Variants in PDE7B observed in about 807,000 individuals in gnomAD.
PDE7B encodes 3',5'-cyclic-AMP phosphodiesterase 7B.
Under a neutral mutation model 56.2 loss-of-function variants are expected in PDE7B, and 29 were observed. The observed-to-expected ratio is 0.52, with a 90% CI of 0.38 to 0.70. PDE7B has a LOEUF of 0.70. Among genes scored for constraint, PDE7B ranks in the 30% least tolerant of loss-of-function variants. PDE7B has a pLI of 0.00. For missense variants in PDE7B, 490 were observed against 565.0 expected, an observed-to-expected ratio of 0.87 and a Z score of 1.35; for synonymous variants, 197 against 196.9, an observed-to-expected ratio of 1.00 and a Z score of 0.00.
chr6:135,905,941 C>T (rs2128192741), intron 1 of PDE7B, among the ~76,000 whole-genome samples: 1 of 152,264 alleles, frequency 6.6e-6, no homozygotes, highest in Middle Eastern at 3.4e-3. Flanking sequence ...CCCTGTGCTG[C>T]GGTGACCCTG....
At chr6:135,857,025 C>CCTCT (rs1775044478) in intron 1 of PDE7B, among the ~76,000 whole-genome samples, 1 of 16,718 alleles carries the variant, frequency 6.0e-5, no homozygotes, top group Admixed American at 6.6e-4. Context: ...TACTCCTTTT[C>CCTCT]CTCCCTCCCT....
intron 3 of PDE7B, among the ~76,000 whole-genome samples, chr6:136,119,645 C>T (rs184332068): frequency 1.3e-5 from 2 of 152,270 alleles, no homozygotes; most frequent in African/African-American, 4.8e-5. Context: ...TTGAACAGCA[C>T]TTTAGACTTT....
At chr6:136,116,266 A>C (rs73561327) in intron 3 of PDE7B, among the ~76,000 whole-genome samples, 3 of 152,242 alleles carry the variant, frequency 2.0e-5, no homozygotes, top group African/African-American at 4.8e-5. Flanking sequence ...TTAAGTAGGA[A>C]GAAGGTCCAA....
chr6:135,915,237 G>A (rs1413055360), intron 1 of PDE7B, among the ~76,000 whole-genome samples: 1 of 152,100 alleles, frequency 6.6e-6, no homozygotes. Flanking sequence ...CACATATAAA[G>A]TGGCCAAAAC....
Position 135,870,253 on chromosome 6 carries a change from G to A in PDE7B, c.21+18234G>A, listed in dbSNP as rs138724763. Among the ~76,000 whole-genome samples the A allele has an allele frequency of 4.3e-3, 659 of 152,230 alleles. 2 individuals carry two copies. The highest frequency in any genetic ancestry group is 6.8e-3 in the Non-Finnish European group (462 of 68,008). On this transcript the variant is annotated intron_variant, in intron 1 of 12. Transcript: ENST00000308191. ...ATGGTGGATTGGATGAAAAGAAGAG[G>A]CAGCAATACACAATGCTGTGATTCC...
chr6:136,151,915 G>A (rs574934109), intron 6 of PDE7B, among the ~76,000 whole-genome samples: 136 of 152,182 alleles, frequency 8.9e-4, no homozygotes, highest in Middle Eastern at 3.4e-3. Flanking sequence ...ACTCCAGCCT[G>A]GGCGACAGTG....
At chr6:136,003,276 A>G (rs1169817351) in intron 2 of PDE7B, among the ~76,000 whole-genome samples, 1 of 151,540 alleles carries the variant, frequency 6.6e-6, no homozygotes, top group African/African-American at 2.4e-5. Context: ...ACACCCTAAC[A>G]TCACAATTAA....
chr6:135,960,166 C>G (rs773970936), intron 2 of PDE7B, among the ~76,000 whole-genome samples: 1 of 152,104 alleles, frequency 6.6e-6, no homozygotes, highest in Non-Finnish European at 1.5e-5. Flanking sequence ...TGGTCTACTT[C>G]CTAGGATTCT....
chr6:136,014,431 A>G (rs905913556), intron 2 of PDE7B, among the ~76,000 whole-genome samples: 4 of 152,192 alleles, frequency 2.6e-5, no homozygotes, highest in Admixed American at 6.5e-5. Context: ...GTTAATTTGA[A>G]TTATTTAATT....
intron 1 of PDE7B, among the ~76,000 whole-genome samples, chr6:135,935,594 G>A (rs1325261089): frequency 6.6e-6 from 1 of 152,108 alleles, no homozygotes; most frequent in Non-Finnish European, 1.5e-5. Context: ...AAGCAGCAAT[G>A]AATGAACTAT....
At chr6:135,935,200 A>ATATATATTTATATATATATATT in intron 1 of PDE7B, among the ~76,000 whole-genome samples, 2 of 86,040 alleles carry the variant, frequency 2.3e-5, no homozygotes, top group African/African-American at 1.0e-4. Flanking sequence ...TTATATATAT[A>ATATATATTTATATATATATATT]TATATATATA....
chr6:136,159,791 TATC>T (rs1203719416), intron 8 of PDE7B, among the ~76,000 whole-genome samples: 1 of 152,248 alleles, frequency 6.6e-6, no homozygotes, highest in Non-Finnish European at 1.5e-5. Context: ...AGATTCAGTT[TATC>T]ATCATCATTT....
intron 1 of PDE7B, among the ~76,000 whole-genome samples, chr6:135,871,645 C>T (rs989202752): frequency 2.0e-5 from 3 of 152,178 alleles, no homozygotes; most frequent in Non-Finnish European, 2.9e-5. Context: ...TGGAAATCTA[C>T]TCTTAGCTTT....
chr6:135,873,753 A>G (rs997320406), intron 1 of PDE7B, among the ~76,000 whole-genome samples: 3 of 152,178 alleles, frequency 2.0e-5, no homozygotes, highest in Non-Finnish European at 4.4e-5. Context: ...ACAGACATAG[A>G]CAATGTTTTT....
At chr6:136,138,469 C>G (rs1456688381) in intron 3 of PDE7B, among the ~76,000 whole-genome samples, 1 of 152,056 alleles carries the variant, frequency 6.6e-6, no homozygotes, top group Non-Finnish European at 1.5e-5. Context: ...AAATTGCTCC[C>G]TAAATAACAC....
At chr6:135,885,640 G>A (rs1038833972) in intron 1 of PDE7B, among the ~76,000 whole-genome samples, 1 of 152,112 alleles carries the variant, frequency 6.6e-6, no homozygotes, top group Non-Finnish European at 1.5e-5. Context: ...AAGCTTTGAA[G>A]AAGAGGAAAA....
At chr6:135,885,510 T>A (rs1775691459) in intron 1 of PDE7B, among the ~76,000 whole-genome samples, 1 of 152,196 alleles carries the variant, frequency 6.6e-6, no homozygotes, top group African/African-American at 2.4e-5. Flanking sequence ...TTATAAACAG[T>A]TCTCTTTAAA....
chr6:136,134,713 T>G, intron 3 of PDE7B, among the ~76,000 whole-genome samples: 1 of 127,548 alleles, frequency 7.8e-6, no homozygotes, highest in African/African-American at 3.8e-5. Flanking sequence ...ACCCATTCGT[T>G]GGGATGGAGT....
At chr6:136,006,701 G>A (rs1175827042) in intron 2 of PDE7B, among the ~76,000 whole-genome samples, 1 of 151,900 alleles carries the variant, frequency 6.6e-6, no homozygotes, top group Non-Finnish European at 1.5e-5. Context: ...TCCTAATTTG[G>A]CTCTCAGCTT....
Sources: allele counts gnomAD v4.1 joint callset (sites outside exome capture counted in the v4.1 genomes callset), GRCh38; gene constraint gnomAD v4.1.1; transcripts MANE v1.5; gene names NCBI Gene and HGNC (gene_info 2026-07-23, HGNC 2026-07-21).